VPS53: variants seen among roughly 807,000 people sequenced by gnomAD.
The protein encoded by VPS53 is VPS53 subunit of GARP complex.
Under a neutral mutation model 107.0 loss-of-function variants are expected in VPS53, and 70 were observed. The observed-to-expected ratio is 0.65, with a 90% CI of 0.54 to 0.80. VPS53 has a LOEUF of 0.80. Ranked by LOEUF, VPS53 falls within the 30% of genes least tolerant of loss-of-function variation. The pLI is 0.00. For missense variants in VPS53, 917 were observed against 1,049.4 expected (o/e 0.87, Z 1.74); for synonymous variants, 409 against 393.3 (o/e 1.04, Z -0.47).
At position 657,142 on chromosome 17, in the gene VPS53, C is replaced by A. The variant is rs953850093; in HGVS notation, c.373-1189G>T. The A allele has an allele frequency of 3.8e-5, 54 of 1,423,916 alleles. No homozygotes were observed. In the Admixed American group the frequency reaches 9.1e-4, roughly 24 times the overall value. 88.2% of individuals were successfully genotyped at this position (1,423,916 alleles called of 1,614,324 possible). A position where few individuals can be genotyped will look rare whatever the true frequency, so the allele number is the denominator to read the frequency against. On this transcript the variant is annotated intron_variant, in intron 5 of 21. Coordinates refer to ENST00000437048, the MANE Select transcript of VPS53 (RefSeq NM_001128159.3). The stretch of plus-strand genomic sequence containing the variant: ...TCACCTTGATGAGGGGTCAGGGTAG[C>A]GGATGGTGCGAGCATCATGAGTCAC...
rs985356538 is a variant in VPS53, at chr17:714,836, T to G, written c.-127A>C. On this transcript the variant is annotated 5_prime_UTR_variant, in exon 1 of 22. Coordinates refer to ENST00000437048, the MANE Select transcript of VPS53 (RefSeq NM_001128159.3). ...GTGAGCCCGGCTCCGTCAGCCGCTCTGTCAGCCGCTCCGGCACTTCCGGCA... is the reference window on the plus strand; with the variant it reads ...GTGAGCCCGGCTCCGTCAGCCGCTCGGTCAGCCGCTCCGGCACTTCCGGCA... 1 of 1,038,456 alleles carries G rather than the reference T, an allele frequency of 9.6e-7. No homozygotes were observed. Among genetic ancestry groups the G allele is most frequent in the East Asian group, 2.5e-5 (1 of 40,702 alleles). 64.3% of individuals were successfully genotyped at this position (1,038,456 alleles called of 1,614,324 possible).
intron 4 of VPS53, among the ~76,000 whole-genome samples, chr17:670,454 G>C (rs2143692611): frequency 6.6e-6 from 1 of 152,330 alleles, no homozygotes; most frequent in South Asian, 2.1e-4. Flanking sequence ...GAGACGGTGA[G>C]CAGGCTCTCA....
At chr17:584,366 G>T (rs896201504) in intron 13 of VPS53, among the ~76,000 whole-genome samples, 7 of 152,100 alleles carry the variant, frequency 4.6e-5, no homozygotes, top group African/African-American at 1.7e-4. Flanking sequence ...CGCACACAAC[G>T]GACACTGGAG....
chr17:636,349 A>C (rs1970197905), intron 7 of VPS53, among the ~76,000 whole-genome samples: 1 of 152,220 alleles, frequency 6.6e-6, no homozygotes, highest in Non-Finnish European at 1.5e-5. Flanking sequence ...ATATACAATC[A>C]TGTCATCTGC....
rs1304103953 is a variant in VPS53 at position 586,374 on chromosome 17, C to T, written c.1219-10G>A. ...CTTTAGGCTTCTTTGGCTGTAAAAACAAAGAAAAATAAACCCCATACTTGA... is the reference window on the plus strand; with the variant it reads ...CTTTAGGCTTCTTTGGCTGTAAAAATAAAGAAAAATAAACCCCATACTTGA... On this transcript the variant is annotated splice_polypyrimidine_tract_variant and intron_variant, in intron 12 of 21. Coordinates refer to ENST00000437048, the MANE Select transcript of VPS53 (RefSeq NM_001128159.3). 6 of 1,613,182 alleles carry T rather than the reference C, an allele frequency of 3.7e-6. No homozygotes were observed. Among genetic ancestry groups the T allele is most frequent in the Admixed American group, 1.7e-5 (1 of 59,916 alleles).
At chr17:688,560 C>T (rs879276255) in intron 4 of VPS53, among the ~76,000 whole-genome samples, 3 of 152,200 alleles carry the variant, frequency 2.0e-5, no homozygotes, top group Admixed American at 1.3e-4. Context: ...CATTGTTAAA[C>T]AGTTAACGGA....
intron 13 of VPS53, among the ~76,000 whole-genome samples, chr17:575,191 A>G (rs1207077621): frequency 1.3e-5 from 2 of 152,258 alleles, no homozygotes; most frequent in African/African-American, 2.4e-5. Flanking sequence ...TGAGATTTTA[A>G]TATGAAGTAC....
At chr17:533,022 T>G in intron 18 of VPS53, 111 bp from the exon 19 acceptor site, 1 of 1,482,906 alleles carries the variant, frequency 6.7e-7, no homozygotes, top group Non-Finnish European at 9.0e-7. Context: ...TAATGAAGAA[T>G]CGAAGTGGAC....
rs1482158821 is a variant in VPS53 at position 509,009 on chromosome 17, T to C, written c.*10119A>G. ...GTCCCATAAATTTGAAAACTGCTGG[T>C]GAAGTACAAAAGGCATGGATGTTGG... is the stretch of plus-strand genomic sequence containing the variant. On this transcript the variant is annotated 3_prime_UTR_variant, in exon 22 of 22. Coordinates refer to ENST00000437048, the MANE Select transcript of VPS53 (RefSeq NM_001128159.3). 1 of 152,204 alleles carries C rather than the reference T, an allele frequency of 6.6e-6. No homozygotes were observed. Among genetic ancestry groups the C allele is most frequent in the Non-Finnish European group, 1.5e-5 (1 of 68,058 alleles). The allele number at this position is 152,204 out of a possible 1,614,324, so 9.4% of individuals were successfully genotyped here. A position where few individuals can be genotyped will look rare whatever the true frequency, so the allele number is the denominator to read the frequency against.
rs145601260 is a variant in VPS53 at position 532,881 on chromosome 17, G to A, written c.2046C>T (p.Leu682=). The part of the protein sequence containing the change: ...NSFIPKFITH[L]FKCKPISMVG... ...CCATGCTAATTGGCTTGCACTTGAA[G>A]AGGTGGGTGATGAATTTGGGAATGA... The change falls in exon 19 of 22, where the codon CTC becomes CTT. Residue 682 remains leucine, a synonymous_variant. Transcript: ENST00000437048. The A allele has an allele frequency of 2.9e-3, 4,705 of 1,614,100 alleles. 73 individuals are homozygous for A. Among genetic ancestry groups the A allele is most frequent in the Non-Finnish European group, 1.5e-3 (1,755 of 1,179,976 alleles).
intron 4 of VPS53, among the ~76,000 whole-genome samples, chr17:666,384 C>T (rs2143654476): frequency 6.6e-6 from 1 of 152,158 alleles, no homozygotes; most frequent in East Asian, 1.9e-4. Context: ...ATGTAAGAGG[C>T]TGGGCGCAGT....
intron 7 of VPS53, among the ~76,000 whole-genome samples, chr17:645,082 T>G (rs2143386524): frequency 6.6e-6 from 1 of 152,310 alleles, no homozygotes; most frequent in South Asian, 2.1e-4. Context: ...ATTATAACAG[T>G]GATTATTAAG....
At chr17:552,203 C>T (rs544583773) in intron 16 of VPS53, among the ~76,000 whole-genome samples, 1 of 152,310 alleles carries the variant, frequency 6.6e-6, no homozygotes, top group East Asian at 1.9e-4. Flanking sequence ...CTGTTCACAT[C>T]TTCCTCCCAA....
chr17:534,445 T>C (rs1334781739), intron 18 of VPS53, among the ~76,000 whole-genome samples: 1 of 152,102 alleles, frequency 6.6e-6, no homozygotes, highest in Non-Finnish European at 1.5e-5. Flanking sequence ...GAGAGGAAAC[T>C]GGAGTCCGGA....
intron 12 of VPS53, among the ~76,000 whole-genome samples, chr17:586,878 T>C (rs531043767): frequency 1.3e-5 from 2 of 152,186 alleles, no homozygotes; most frequent in African/African-American, 2.4e-5. Flanking sequence ...GACGTCTGCT[T>C]TTCTTAAACT....
At chr17:687,350 C>T (rs1250395160) in intron 4 of VPS53, among the ~76,000 whole-genome samples, 2 of 151,212 alleles carry the variant, frequency 1.3e-5, no homozygotes, top group African/African-American at 4.9e-5. Context: ...GGCTGAGGCA[C>T]GCAGATCATG....
chr17:599,564 A>G (rs1027606466), intron 12 of VPS53, among the ~76,000 whole-genome samples: 8 of 150,202 alleles, frequency 5.3e-5, no homozygotes, highest in African/African-American at 1.2e-4. Flanking sequence ...CATGCTCGTT[A>G]AGAGTCATCA....
At position 524,136 on chromosome 17, in the gene VPS53, T is replaced by C. The variant is rs1908950609; in HGVS notation, c.2086-2398A>G. 2.6e-5 allele frequency among the ~76,000 whole-genome samples: 4 copies of C among 151,896 alleles called. No individual in the cohort carries two copies. In the South Asian group the frequency reaches 8.3e-4, roughly 32 times the overall value. Reference sequence around the variant, plus strand: ...CAACATGGAGAAACCCCATCTCTACTAAAAATACAAAAATTAGCCGGGTGT... The same window carrying C: ...CAACATGGAGAAACCCCATCTCTACCAAAAATACAAAAATTAGCCGGGTGT... On this transcript the variant is annotated intron_variant, in intron 19 of 21. Coordinates refer to ENST00000437048, the MANE Select transcript of VPS53 (RefSeq NM_001128159.3). The surrounding 1 kb of genome is among the most constrained non-coding windows in gnomAD (Gnocchi z 4.5).
At chr17:529,190 G>A (rs1909340215) in intron 19 of VPS53, among the ~76,000 whole-genome samples, 1 of 152,174 alleles carries the variant, frequency 6.6e-6, no homozygotes, top group African/African-American at 2.4e-5. Context: ...CTACACATGT[G>A]TGGGTCTATC....
Sources: gnomAD v4.1 joint callset for allele counts (sites outside exome capture counted in the v4.1 genomes callset) on GRCh38, gnomAD v4.1.1 for gene constraint, Gnocchi (gnomAD v3.1) non-coding constraint, MANE v1.5 for transcripts, NCBI Gene and HGNC (gene_info 2026-07-23, HGNC 2026-07-21) for gene names.